FKBP3: variants seen among roughly 807,000 people sequenced by gnomAD.
FKBP3 encodes FKBP prolyl isomerase 3.
Under a neutral mutation model 30.6 loss-of-function variants are expected in FKBP3, and 21 were observed. The observed-to-expected ratio is 0.69, with a 90% CI of 0.49 to 0.99. FKBP3 has a LOEUF of 0.99. Ranked by LOEUF, FKBP3 falls within the 50% of genes least tolerant of loss-of-function variation. The probability of loss-of-function intolerance (pLI) is 0.00; values close to 1 mark genes in which losing one functional copy is unlikely to be tolerated. For missense variants in FKBP3, 283 were observed against 261.6 expected (o/e 1.08, Z -0.56); for synonymous variants, 82 against 91.3 (o/e 0.90, Z 0.58).
chr14:45,119,877 C>CG (rs763528257), intron 5 of FKBP3, among the ~76,000 whole-genome samples: 18 of 151,894 alleles, frequency 1.2e-4, no homozygotes, highest in Non-Finnish European at 2.2e-4. Context: ...TTAGTAGAGA[C>CG]GGGTTTCACA....
intron 3 of FKBP3, among the ~76,000 whole-genome samples, chr14:45,124,970 G>A (rs1566706021): frequency 1.3e-5 from 2 of 152,154 alleles, no homozygotes; most frequent in Admixed American, 1.3e-4. Context: ...AGGCTGGAGT[G>A]CAGTGGTGTG....
In FKBP3 at chr14:45,125,516, T is replaced by TA. The variant is rs1885077228; in HGVS notation, c.319-3897dup. ...CTAAGTGTGAGTTTCTGTCGTAACT[T>TA]ATATTTTCTTTCCTGTACAATACTC... is the stretch of plus-strand genomic sequence containing the variant. On this transcript the variant is annotated intron_variant, in intron 3 of 6. Transcript: ENST00000396062. Among the ~76,000 whole-genome samples, 4 of 152,352 alleles carry TA rather than the reference T, an allele frequency of 2.6e-5. No individual in the cohort carries two copies. In the South Asian group the frequency reaches 8.3e-4, roughly 32 times the overall value.
chr14:45,118,549 T>G (rs1420129841), intron 5 of FKBP3, among the ~76,000 whole-genome samples: 1 of 152,050 alleles, frequency 6.6e-6, no homozygotes, highest in African/African-American at 2.4e-5. Flanking sequence ...GGGAATCACT[T>G]GAACCCAGAA....
Position 45,134,411 on chromosome 14 carries a change from GC to G in FKBP3, c.45del (p.Arg16AlafsTer29). 6.2e-7 allele frequency: 1 copy of G among 1,613,650 alleles called. No homozygotes were observed. Among genetic ancestry groups the G allele is most frequent in the Non-Finnish European group, 8.5e-7 (1 of 1,179,864 alleles). ...TCCTTCTTGGGCAGCTGCTCACTGC[GC>G]AGCTGCTCCACGGTCCACGCCCGCT... ...VPQRAWTVEQ[L>X]RSEQLPKKDI... On this transcript the variant is annotated frameshift_variant, in exon 1 of 7. Transcript: ENST00000396062. LOFTEE classifies it high-confidence loss of function.
chr14:45,133,098 A>G (rs1380625634), intron 1 of FKBP3, among the ~76,000 whole-genome samples: 3 of 152,206 alleles, frequency 2.0e-5, no homozygotes, highest in Non-Finnish European at 4.4e-5. Flanking sequence ...ATAATTAAGG[A>G]AGAAGGCACT....
chr14:45,125,181 GT>G (rs1566706080), intron 3 of FKBP3, among the ~76,000 whole-genome samples: 2 of 152,254 alleles, frequency 1.3e-5, no homozygotes, highest in African/African-American at 2.4e-5. Flanking sequence ...CTCCCAAAGT[GT>G]TGGGATTACA....
rs1045666600 is a variant in FKBP3, at chr14:45,117,862, T to G, written c.620+166A>C. ...AACTTTATATCAATAGAAAATACTA[T>G]TGCCTATTGGAGGTGCTGACACATA... On this transcript the variant is annotated intron_variant, in intron 6 of 6. Transcript: ENST00000396062. Among the ~76,000 whole-genome samples the G allele has an allele frequency of 5.3e-5, 8 of 152,302 alleles. No homozygotes were observed. In the East Asian group the frequency reaches 9.6e-4, roughly 18 times the overall value.
At chr14:45,133,738 T>TA (rs1388215508) in intron 1 of FKBP3, among the ~76,000 whole-genome samples, 1 of 152,212 alleles carries the variant, frequency 6.6e-6, no homozygotes, top group Non-Finnish European at 1.5e-5. Context: ...ATAAATTTCT[T>TA]AGTCTGTTTA....
At chr14:45,120,238 A>C (rs1372846913) in intron 5 of FKBP3, among the ~76,000 whole-genome samples, 1 of 152,206 alleles carries the variant, frequency 6.6e-6, no homozygotes, top group Admixed American at 6.5e-5. Context: ...TGATTCATAG[A>C]AGGTGACAGT....
At chr14:45,134,278 G>A (rs943422782) in intron 1 of FKBP3, 71 bp downstream of exon 1, 1 of 1,226,350 alleles carries the variant, frequency 8.2e-7, no homozygotes, top group African/African-American at 1.5e-5. Flanking sequence ...AATACGGAAT[G>A]TATGGGCATC....
chr14:45,129,520 A>G (rs1885169742), intron 3 of FKBP3, among the ~76,000 whole-genome samples: 1 of 152,202 alleles, frequency 6.6e-6, no homozygotes, highest in Non-Finnish European at 1.5e-5. Context: ...ATAGCTTTGA[A>G]AGCTCAGAAG....
intron 6 of FKBP3, 82 bp downstream of exon 6, chr14:45,117,946 A>G (rs1884889267): frequency 1.0e-6 from 1 of 989,880 alleles, no homozygotes; most frequent in Admixed American, 2.2e-5. Context: ...AAGTTTGCCT[A>G]GACAGCATCT....
At chr14:45,131,529 T>C (rs993337124) in intron 1 of FKBP3, among the ~76,000 whole-genome samples, 2 of 146,482 alleles carry the variant, frequency 1.4e-5, no homozygotes, top group African/African-American at 5.1e-5. Context: ...CTCGGGAGGC[T>C]GAAGCAGGAG....
intron 5 of FKBP3, among the ~76,000 whole-genome samples, chr14:45,120,391 G>T (rs1210447585): frequency 1.3e-5 from 2 of 152,098 alleles, no homozygotes; most frequent in African/African-American, 2.4e-5. Context: ...ATGATTTTCT[G>T]GTATTGCAGC....
chr14:45,116,730 C>T (rs1013861274), intron 6 of FKBP3, among the ~76,000 whole-genome samples: 1 of 151,900 alleles, frequency 6.6e-6, no homozygotes, highest in South Asian at 2.1e-4. Context: ...GTGGTGCGCA[C>T]CTGTAGTTCC....
intron 1 of FKBP3, chr14:45,131,400 G>A (rs1885210255): frequency 1.3e-5 from 2 of 152,224 alleles, no homozygotes; most frequent in Admixed American, 6.5e-5. Context: ...GGGAGGCTGA[G>A]GCAGGCGGAT....
chr14:45,121,544 T>C lies in FKBP3; in HGVS notation c.395A>G (p.His132Arg). The C allele has an allele frequency of 6.2e-7, 1 of 1,613,444 alleles. No homozygotes were observed. The highest frequency in any genetic ancestry group is 8.5e-7 in the Non-Finnish European group (1 of 1,179,452). Residue 132 changes from histidine (H) to arginine (R), a missense_variant, in exon 4 of 7, where the codon CAC becomes CGC. Transcript: ENST00000396062. The part of the protein sequence containing the change: ...TNFPKKGDVV[H>R]CWYTGTLQDG... ...TTGTAGTGTTCCTGTATACCAGCAG[T>C]GAACAACATCTCCCTTTTTGGGAAA...
chr14:45,116,168 T>TTA lies in FKBP3; in HGVS notation c.*29_*30insTA. On this transcript the variant is annotated 3_prime_UTR_variant, in exon 7 of 7. Coordinates refer to ENST00000396062, the MANE Select transcript of FKBP3 (RefSeq NM_002013.4). Reference sequence around the variant, plus strand: ...CAAGGCCAAGTTTTATCATTGTTGCTAATATCCTTAGAGCTGAAGCACTGC... The same window carrying TTA: ...CAAGGCCAAGTTTTATCATTGTTGCTTAAATATCCTTAGAGCTGAAGCACTGC... 6.5e-7 allele frequency: 1 copy of TTA among 1,527,898 alleles called. No individual in the cohort carries two copies. The highest frequency in any genetic ancestry group is 9.1e-7 in the Non-Finnish European group (1 of 1,103,302). 94.6% of individuals were successfully genotyped at this position (1,527,898 alleles called of 1,614,324 possible).
intron 5 of FKBP3, among the ~76,000 whole-genome samples, chr14:45,118,339 T>G (rs1187321857): frequency 6.6e-6 from 1 of 152,176 alleles, no homozygotes; most frequent in African/African-American, 2.4e-5. Context: ...AGGGCTTTTT[T>G]AATGTGAAAA....
Sources: gnomAD v4.1 joint callset for allele counts (sites outside exome capture counted in the v4.1 genomes callset) on GRCh38, gnomAD v4.1.1 for gene constraint, MANE v1.5 for transcripts, NCBI Gene and HGNC (gene_info 2026-07-23, HGNC 2026-07-21) for gene names.